EML1: variants seen among roughly 807,000 people sequenced by gnomAD.
EML1 encodes EMAP like 1, also known as echinoderm microtubule-associated protein-like 1.
A neutral mutation model predicts 110.4 loss-of-function variants in EML1; 27 were observed. The ratio of observed to expected loss-of-function variants is 0.24; its 90% CI spans 0.18 to 0.34. EML1 has a LOEUF of 0.34. Ranked by LOEUF, EML1 falls within the 10% of genes least tolerant of loss-of-function variation. The probability of loss-of-function intolerance (pLI) is 1.00; values close to 1 mark genes in which losing one functional copy is unlikely to be tolerated. For missense variants in EML1, 741 were observed against 1,030.9 expected, an observed-to-expected ratio of 0.72 and a Z score of 3.85; for synonymous variants, 344 against 385.8, an observed-to-expected ratio of 0.89 and a Z score of 1.27.
chr14:99,798,392 CT>C (rs374969316), intron 1 of EML1, among the ~76,000 whole-genome samples: 2,372 of 130,936 alleles, frequency 0.018, 25 homozygotes, highest in African/African-American at 0.024. Context: ...AAAGTCTATA[CT>C]TTTTTTTTTT....
intron 17 of EML1, among the ~76,000 whole-genome samples, chr14:99,928,444 T>C (rs2060307349): frequency 6.6e-6 from 1 of 151,988 alleles, no homozygotes; most frequent in Non-Finnish European, 1.5e-5. Context: ...GCCCTTTCTC[T>C]CAGGAGGCCC....
chr14:99,910,034 C>A (rs1304071088), intron 11 of EML1, among the ~76,000 whole-genome samples: 1 of 152,098 alleles, frequency 6.6e-6, no homozygotes, highest in Non-Finnish European at 1.5e-5. Flanking sequence ...CTAGAAATCG[C>A]TTTGTCTTAG....
chr14:99,915,135 G>C (rs923974055), intron 15 of EML1: 2 of 218,792 alleles, frequency 9.1e-6, no homozygotes, highest in Non-Finnish European at 1.8e-5. Flanking sequence ...AAAGTCAGCT[G>C]GGCACGGTGG....
Position 99,905,539 on chromosome 14 carries a change from C to T in EML1, c.1009-2099C>T, listed in dbSNP as rs28811568. Among the ~76,000 whole-genome samples the T allele has an allele frequency of 0.29, 44,727 of 152,100 alleles. 8,177 individuals are homozygous for T. The highest frequency in any genetic ancestry group is 0.5 in the African/African-American group (20,835 of 41,468). On this transcript the variant is annotated intron_variant, in intron 9 of 21. Coordinates refer to ENST00000262233, the MANE Select transcript of EML1 (RefSeq NM_004434.3). This position sits in a 1 kb window ranked among gnomAD's most constrained non-coding sequence, Gnocchi z 4.1. Reference sequence around the variant, plus strand: ...AGTTCAGGTGGCTGCCTGTTGATAACGAAGGGATCTTTCCCAGCAGTCCCG... The same window carrying T: ...AGTTCAGGTGGCTGCCTGTTGATAATGAAGGGATCTTTCCCAGCAGTCCCG...
At chr14:99,874,480 G>C (rs1374555218) in intron 3 of EML1, among the ~76,000 whole-genome samples, 1 of 152,158 alleles carries the variant, frequency 6.6e-6, no homozygotes, top group Non-Finnish European at 1.5e-5. Context: ...CGTCCAGAGA[G>C]AACATAGCTT....
chr14:99,755,379 G>A (rs1488204001), intron 1 of EML1, among the ~76,000 whole-genome samples: 1 of 152,202 alleles, frequency 6.6e-6, no homozygotes, highest in African/African-American at 2.4e-5. Flanking sequence ...GCGTCACTTT[G>A]AAGCTTATAT....
chr14:99,810,905 T>G (rs911887843), intron 1 of EML1, among the ~76,000 whole-genome samples: 1 of 152,210 alleles, frequency 6.6e-6, no homozygotes. Flanking sequence ...TCCACATACA[T>G]ATACATGTAT....
chr14:99,885,313 C>G (rs1483207175), intron 4 of EML1, among the ~76,000 whole-genome samples: 1 of 152,214 alleles, frequency 6.6e-6, no homozygotes, highest in Non-Finnish European at 1.5e-5. Flanking sequence ...CCTGCTGCTC[C>G]TGGGCTACAG....
intron 4 of EML1, among the ~76,000 whole-genome samples, chr14:99,879,434 A>C (rs371236445): frequency 1.6e-4 from 24 of 150,368 alleles, no homozygotes; most frequent in Non-Finnish European, 3.5e-4. Context: ...GAGGCTAAGC[A>C]TGTGTTTTTT....
intron 3 of EML1, among the ~76,000 whole-genome samples, chr14:99,878,013 A>G (rs2059322406): frequency 6.6e-6 from 1 of 151,988 alleles, no homozygotes; most frequent in Admixed American, 6.5e-5. Context: ...GTGGCCCAAC[A>G]CAGATTTGTC....
chr14:99,889,581 C>T (rs919408067), intron 4 of EML1, among the ~76,000 whole-genome samples: 3 of 152,164 alleles, frequency 2.0e-5, no homozygotes, highest in Non-Finnish European at 2.9e-5. Flanking sequence ...TATGGAGCAG[C>T]GAACATGAAT....
At chr14:99,803,737 G>C (rs1465668140) in intron 1 of EML1, among the ~76,000 whole-genome samples, 3 of 152,172 alleles carry the variant, frequency 2.0e-5, no homozygotes, top group Non-Finnish European at 4.4e-5. Flanking sequence ...ACAGTAAAAA[G>C]GATTTGACTT....
At chr14:99,741,845 GC>G (rs1566844562) in intron 1 of EML1, among the ~76,000 whole-genome samples, 1 of 152,200 alleles carries the variant, frequency 6.6e-6, no homozygotes, top group Non-Finnish European at 1.5e-5. Context: ...GCAGACAAGT[GC>G]TGGAAAGGGT....
At chr14:99,766,959 C>T (rs201596728) in intron 1 of EML1, among the ~76,000 whole-genome samples, 4 of 152,282 alleles carry the variant, frequency 2.6e-5, no homozygotes, top group South Asian at 2.1e-4. Flanking sequence ...GAAAATGCAG[C>T]GTGTCCACTG....
upstream of EML1, among the ~76,000 whole-genome samples, chr14:99,768,717 C>CT (rs546941574): frequency 0.024 from 3,267 of 135,728 alleles, 58 homozygotes; most frequent in Middle Eastern, 0.069. Context: ...CTTCTGTGGT[C>CT]TTTTTTTTTT....
chr14:99,743,150 G>A (rs2057063912), intron 1 of EML1, among the ~76,000 whole-genome samples: 1 of 152,196 alleles, frequency 6.6e-6, no homozygotes, highest in Non-Finnish European at 1.5e-5. Flanking sequence ...GGAAACTGAG[G>A]CCCAAGAGAA....
At chr14:99,871,571 A>T (rs1307363661) in intron 3 of EML1, among the ~76,000 whole-genome samples, 1 of 152,068 alleles carries the variant, frequency 6.6e-6, no homozygotes, top group African/African-American at 2.4e-5. Flanking sequence ...AAATCTCAAC[A>T]TGAACAGGGA....
chr14:99,796,518 A>G (rs994039999), intron 1 of EML1, among the ~76,000 whole-genome samples: 3 of 145,000 alleles, frequency 2.1e-5, no homozygotes, highest in Non-Finnish European at 4.5e-5. Flanking sequence ...TTTGAGCCAC[A>G]CCTTGCTCTG....
intron 1 of EML1, among the ~76,000 whole-genome samples, chr14:99,816,801 A>T (rs2058175157): frequency 6.6e-6 from 1 of 152,246 alleles, no homozygotes; most frequent in South Asian, 2.1e-4. Context: ...TGTGGCTGAC[A>T]TCTTCCTACT....
Sources: gnomAD v4.1 joint callset for allele counts (sites outside exome capture counted in the v4.1 genomes callset) on GRCh38, gnomAD v4.1.1 for gene constraint, Gnocchi (gnomAD v3.1) non-coding constraint, MANE v1.5 for transcripts, NCBI Gene and HGNC (gene_info 2026-07-23, HGNC 2026-07-21) for gene names.